FGF12: variants seen among roughly 807,000 people sequenced by gnomAD.
FGF12 encodes fibroblast growth factor 12.
Under a neutral mutation model 23.6 loss-of-function variants are expected in FGF12, and 14 were observed. The ratio of observed to expected loss-of-function variants is 0.59; its 90% CI spans 0.39 to 0.93. The LOEUF (loss-of-function observed/expected upper bound fraction) is 0.93. FGF12 is among the 40% of genes least tolerant of loss of function. The pLI, the probability that FGF12 is intolerant of heterozygous loss-of-function variation, is 0.00. For missense variants in FGF12, 175 were observed against 217.8 expected (o/e 0.80, Z 1.24); for synonymous variants, 62 against 77.3 (o/e 0.80, Z 1.04).
At chr3:192,434,460 G>C (rs143515802) in intron 2 of FGF12, among the ~76,000 whole-genome samples, 392 of 152,304 alleles carry the variant, frequency 2.6e-3, no homozygotes, top group Non-Finnish European at 4.6e-3. Flanking sequence ...TTTTACCAGT[G>C]TGCTACACAG....
chr3:192,157,384 T>A (rs1714485537), intron 5 of FGF12, among the ~76,000 whole-genome samples: 1 of 152,198 alleles, frequency 6.6e-6, no homozygotes, highest in African/African-American at 2.4e-5. Context: ...AATTCTTGCT[T>A]CATTTTAAAG....
intron 4 of FGF12, among the ~76,000 whole-genome samples, chr3:192,283,730 C>G (rs1714287875): frequency 6.6e-6 from 1 of 151,894 alleles, no homozygotes; most frequent in Non-Finnish European, 1.5e-5. Context: ...TGCACTGGGC[C>G]ATGTAAAAAA....
chr3:192,404,396 TTGTC>T (rs1235017876), intron 2 of FGF12, among the ~76,000 whole-genome samples: 2 of 152,194 alleles, frequency 1.3e-5, no homozygotes, highest in Non-Finnish European at 2.9e-5. Context: ...GTGTTACCCT[TTGTC>T]TGTAATAACT....
chr3:192,307,297 T>C (rs1474116608), intron 4 of FGF12, among the ~76,000 whole-genome samples: 2 of 152,198 alleles, frequency 1.3e-5, no homozygotes, highest in African/African-American at 2.4e-5. Context: ...TTATCTATGA[T>C]GCCAGATAAA....
chr3:192,695,366 A>T (rs1718082788), intron 2 of FGF12, among the ~76,000 whole-genome samples: 1 of 152,068 alleles, frequency 6.6e-6, no homozygotes, highest in Admixed American at 6.6e-5. Flanking sequence ...CTAGATTAAG[A>T]CTTCATTCTT....
At chr3:192,377,745 C>T (rs899044042) in intron 2 of FGF12, among the ~76,000 whole-genome samples, 1 of 152,156 alleles carries the variant, frequency 6.6e-6, no homozygotes, top group Non-Finnish European at 1.5e-5. Context: ...AGACACTATG[C>T]AAGGAGCTTG....
intron 2 of FGF12, among the ~76,000 whole-genome samples, chr3:192,604,553 T>C (rs978082605): frequency 1.3e-5 from 2 of 152,098 alleles, no homozygotes; most frequent in African/African-American, 2.4e-5. Flanking sequence ...AAATAAATCA[T>C]AGAGGACACA....
chr3:192,166,693 G>A (rs371067378), intron 5 of FGF12, among the ~76,000 whole-genome samples: 2 of 152,236 alleles, frequency 1.3e-5, no homozygotes, highest in Non-Finnish European at 2.9e-5. Flanking sequence ...TAATTGAGAC[G>A]TGCTTAGAAT....
chr3:192,712,749 C>G (rs1294315643), intron 2 of FGF12, among the ~76,000 whole-genome samples: 1 of 150,944 alleles, frequency 6.6e-6, no homozygotes, highest in Non-Finnish European at 1.5e-5. Context: ...TTTTAGGAAG[C>G]TGTTGGAGAA....
At chr3:192,559,246 T>G (rs1224059928) in intron 2 of FGF12, among the ~76,000 whole-genome samples, 1 of 151,884 alleles carries the variant, frequency 6.6e-6, no homozygotes, top group African/African-American at 2.4e-5. Context: ...TTCAACTCAA[T>G]AGCAAAACCA....
chr3:192,560,496 A>G (rs537137545), intron 2 of FGF12, among the ~76,000 whole-genome samples: 1 of 152,190 alleles, frequency 6.6e-6, no homozygotes, highest in African/African-American at 2.4e-5. Flanking sequence ...AATTACCAAT[A>G]CTAGGAATAA....
At chr3:192,724,111 AGAAG>A (rs150544084) in intron 2 of FGF12, among the ~76,000 whole-genome samples, 5,498 of 148,538 alleles carry the variant, frequency 0.037, 326 homozygotes, top group African/African-American at 0.13. Context: ...AAGGAAGGAA[AGAAG>A]GAAGGAAGGA....
chr3:192,412,539 A>G (rs906527202), intron 2 of FGF12, among the ~76,000 whole-genome samples: 1 of 152,184 alleles, frequency 6.6e-6, no homozygotes, highest in Admixed American at 6.5e-5. Context: ...GACAACAAAG[A>G]CTACTTTTTC....
At chr3:192,410,919 C>T (rs1354805682) in intron 2 of FGF12, among the ~76,000 whole-genome samples, 1 of 152,196 alleles carries the variant, frequency 6.6e-6, no homozygotes, top group Non-Finnish European at 1.5e-5. Context: ...TCCATTTATG[C>T]TAAAGTCTGG....
At chr3:192,445,421 G>A (rs1227891086) in intron 2 of FGF12, among the ~76,000 whole-genome samples, 1 of 152,162 alleles carries the variant, frequency 6.6e-6, no homozygotes, top group African/African-American at 2.4e-5. Flanking sequence ...AATTGCCATT[G>A]TTCTTGCAAA....
intron 4 of FGF12, among the ~76,000 whole-genome samples, chr3:192,186,912 G>C (rs1454956108): frequency 6.6e-6 from 1 of 152,092 alleles, no homozygotes. Flanking sequence ...CAGATATTTT[G>C]CAGCTTGGCA....
intron 2 of FGF12, among the ~76,000 whole-genome samples, chr3:192,498,989 G>A (rs1477004806): frequency 1.3e-5 from 2 of 152,146 alleles, no homozygotes; most frequent in Non-Finnish European, 2.9e-5. Flanking sequence ...CAAAGAAGCT[G>A]TAAGATTCAT....
At chr3:192,533,482 A>C (rs1725145722) in intron 2 of FGF12, among the ~76,000 whole-genome samples, 1 of 152,174 alleles carries the variant, frequency 6.6e-6, no homozygotes, top group Non-Finnish European at 1.5e-5. Flanking sequence ...CATAAGTAGG[A>C]CAAATAAAGA....
chr3:192,337,101 A>G (rs1213360192), intron 3 of FGF12, among the ~76,000 whole-genome samples: 1 of 152,188 alleles, frequency 6.6e-6, no homozygotes, highest in African/African-American at 2.4e-5. Context: ...TAAGAAATAC[A>G]AGAACTAGAC....
Sources: gnomAD v4.1 joint callset for allele counts (sites outside exome capture counted in the v4.1 genomes callset) on GRCh38, gnomAD v4.1.1 for gene constraint, MANE v1.5 for transcripts, NCBI Gene and HGNC (gene_info 2026-07-23, HGNC 2026-07-21) for gene names.